The following COG6 variants were observed in gnomAD, a reference collection of about 807,000 sequenced individuals.
COG6 encodes component of oligomeric golgi complex 6, also known as conserved oligomeric Golgi complex subunit 6.
A neutral mutation model predicts 88.8 loss-of-function variants in COG6; 74 were observed. The ratio of observed to expected loss-of-function variants is 0.83; its 90% CI spans 0.69 to 1.01. The LOEUF is 1.01. Ranked by LOEUF, COG6 falls within the 50% of genes least tolerant of loss-of-function variation. The probability of loss-of-function intolerance (pLI) is 0.00; values close to 1 mark genes in which losing one functional copy is unlikely to be tolerated. For missense variants in COG6, 800 were observed against 797.9 expected (o/e 1.00, Z -0.03); for synonymous variants, 286 against 278.7 (o/e 1.03, Z -0.26).
rs1876726009 is a variant in COG6, at chr13:39,687,559, T to C, written c.845T>C (p.Ile282Thr). ...ARRSTVVRGF[I>T]DALTRGGPGG... ...AGAAGTACAGTTGTTCGTGGATTTA[T>C]TGATGCGCTCACAAGAGGGGGCCCC... Residue 282 changes from isoleucine (I) to threonine (T), a missense_variant, in exon 9 of 19, where the codon ATT becomes ACT. By Grantham distance (89) the Ile-to-Thr change is moderately conservative (BLOSUM62 -1). Transcript: ENST00000455146. The C allele has an allele frequency of 6.2e-7, 1 of 1,613,510 alleles. No homozygotes were observed. The highest frequency in any genetic ancestry group is 8.5e-7 in the Non-Finnish European group (1 of 1,179,676).
At chr13:39,763,887 T>G (rs530428198) in intron 18 of COG6, among the ~76,000 whole-genome samples, 7 of 151,888 alleles carry the variant, frequency 4.6e-5, no homozygotes, top group Non-Finnish European at 8.9e-5. Flanking sequence ...TGTTTAAAGG[T>G]CTTTGTCAGG....
At chr13:39,782,253 A>G (rs976341546) in intron 18 of COG6, among the ~76,000 whole-genome samples, 1 of 152,230 alleles carries the variant, frequency 6.6e-6, no homozygotes, top group Non-Finnish European at 1.5e-5. Flanking sequence ...ATGGAGTAAC[A>G]GGGACTAGAG....
intron 5 of COG6, among the ~76,000 whole-genome samples, chr13:39,678,974 C>T (rs376705491): frequency 3.3e-5 from 5 of 151,832 alleles, no homozygotes; most frequent in Admixed American, 6.6e-5. Flanking sequence ...ATAACACATC[C>T]GTTATTTTTC....
chr13:39,737,426 G>A (rs965622053), intron 18 of COG6, among the ~76,000 whole-genome samples: 4 of 151,642 alleles, frequency 2.6e-5, no homozygotes, highest in Non-Finnish European at 4.4e-5. Context: ...CCTTGTCTCC[G>A]AGTGGGTCCA....
At chr13:39,657,173 A>G (rs1011378283) in intron 1 of COG6, among the ~76,000 whole-genome samples, 4 of 152,162 alleles carry the variant, frequency 2.6e-5, no homozygotes, top group African/African-American at 9.7e-5. Flanking sequence ...CTGGGATTAC[A>G]GGCATGTGCC....
chr13:39,758,721 C>G (rs181184258), intron 18 of COG6, among the ~76,000 whole-genome samples: 2 of 152,094 alleles, frequency 1.3e-5, no homozygotes, highest in Non-Finnish European at 2.9e-5. Flanking sequence ...CAATTCTATG[C>G]CTAGGCTTTT....
chr13:39,664,930 A>G (rs1001400321), intron 3 of COG6, among the ~76,000 whole-genome samples, 166 bp from the exon 4 acceptor site: 1 of 152,146 alleles, frequency 6.6e-6, no homozygotes, highest in Non-Finnish European at 1.5e-5. Flanking sequence ...GTGTTCCTCC[A>G]GTGGATGAGC....
intron 4 of COG6, 23 bp from the exon 5 acceptor site, chr13:39,677,445 A>G: frequency 7.5e-6 from 10 of 1,340,488 alleles, no homozygotes; most frequent in Non-Finnish European, 1.1e-5. Flanking sequence ...CTTGATTTTT[A>G]TTGCTTGTTT....
At chr13:39,679,451 T>G (rs1294430515) in intron 5 of COG6, 87 bp from the exon 6 acceptor site, 1 of 781,504 alleles carries the variant, frequency 1.3e-6, no homozygotes, top group Non-Finnish European at 2.3e-6. Flanking sequence ...TGAAAGAGTT[T>G]GTTTGCCCTT....
In COG6 at chr13:39,751,447, G is replaced by T. The variant is rs1364685342; in HGVS notation, c.*354G>T. 1 of 1,261,824 alleles carries T rather than the reference G, an allele frequency of 7.9e-7. No homozygotes were observed. Among genetic ancestry groups the T allele is most frequent in the Non-Finnish European group, 1.0e-6 (1 of 967,310 alleles). 78.2% of individuals were successfully genotyped at this position (1,261,824 alleles called of 1,614,324 possible). On this transcript the variant is annotated 3_prime_UTR_variant, in exon 19 of 19. Coordinates refer to ENST00000455146, the MANE Select transcript of COG6 (RefSeq NM_020751.3). ...TAAATTAACAGCTTATAAAAAATTT[G>T]TCTAAATTTAATAATTAGTATAAGG...
In COG6 at chr13:39,677,188, T is replaced by G. The variant is rs143262045; in HGVS notation, c.429-280T>G. On this transcript the variant is annotated intron_variant, in intron 4 of 18. Transcript: ENST00000455146. ...AAGTACTTGTAAGTGGCTGCAAATT[T>G]GTAATGCAGGGACCATGCATGGACT... 5.0e-3 allele frequency among the ~76,000 whole-genome samples: 762 copies of G among 152,264 alleles called. 7 individuals carry two copies. The highest frequency in any genetic ancestry group is 0.018 in the African/African-American group (735 of 41,546).
chr13:39,745,289 T>G (rs1429285865), intron 18 of COG6, among the ~76,000 whole-genome samples: 1 of 151,982 alleles, frequency 6.6e-6, no homozygotes, highest in Non-Finnish European at 1.5e-5. Flanking sequence ...GAAACTACCA[T>G]CAGAGTGAAC....
chr13:39,780,564 A>G (rs117450127), intron 18 of COG6, among the ~76,000 whole-genome samples: 3 of 152,346 alleles, frequency 2.0e-5, no homozygotes, highest in Non-Finnish European at 2.9e-5. Flanking sequence ...TTCTCAACGT[A>G]TTACACTTTC....
chr13:39,687,362 A>C, intron 8 of COG6, 141 bp from the exon 9 acceptor site: 1 of 759,800 alleles, frequency 1.3e-6, no homozygotes, highest in Non-Finnish European at 2.3e-6. Context: ...TTCTTGTTTG[A>C]AAGCAATGTT....
intron 18 of COG6, among the ~76,000 whole-genome samples, chr13:39,766,602 C>A (rs1881172758): frequency 6.6e-6 from 1 of 152,180 alleles, no homozygotes. Context: ...AGTGGAATAT[C>A]TTAACAATTT....
chr13:39,787,381 CGTGTGGTGT>C (rs1287804319), intron 18 of COG6, among the ~76,000 whole-genome samples: 5 of 151,824 alleles, frequency 3.3e-5, no homozygotes, highest in African/African-American at 7.3e-5. Context: ...TGTGTGTGTG[CGTGTGGTGT>C]GTGTGGTGTG....
At chr13:39,689,962 A>G (rs1428683918) in intron 11 of COG6, 138 bp downstream of exon 11, 2 of 520,554 alleles carry the variant, frequency 3.8e-6, no homozygotes, top group African/African-American at 3.8e-5. Context: ...TAGACTAATA[A>G]GAAACATTTT....
chr13:39,675,556 C>G (rs1875917642), intron 4 of COG6, among the ~76,000 whole-genome samples: 1 of 152,094 alleles, frequency 6.6e-6, no homozygotes, highest in Non-Finnish European at 1.5e-5. Context: ...TTTGCACCAT[C>G]TCTTTTGTAG....
downstream of COG6, among the ~76,000 whole-genome samples, chr13:39,757,356 C>T (rs976026105): frequency 6.6e-6 from 1 of 151,748 alleles, no homozygotes; most frequent in African/African-American, 2.4e-5. Context: ...TATAGCCTAC[C>T]TTAAAGAGAA....
Sources: gnomAD v4.1 joint callset for allele counts (sites outside exome capture counted in the v4.1 genomes callset) on GRCh38, gnomAD v4.1.1 for gene constraint, MANE v1.5 for transcripts, NCBI Gene and HGNC (gene_info 2026-07-23, HGNC 2026-07-21) for gene names.